RBFOX1: variants seen among roughly 807,000 people sequenced by gnomAD.
The protein encoded by RBFOX1 is RNA binding fox-1 homolog 1.
RBFOX1 carries 8 observed loss-of-function variants against 57.7 expected under a neutral mutation model. The ratio of observed to expected loss-of-function variants is 0.14; its 90% CI spans 0.08 to 0.25. The LOEUF is 0.25. RBFOX1 is among the 10% of genes least tolerant of loss of function. RBFOX1 has a pLI of 1.00. For synonymous variants in RBFOX1, 326 were observed against 222.4 expected, an observed-to-expected ratio of 1.47 and a Z score of -4.15; for missense variants, 611 against 548.5, an observed-to-expected ratio of 1.11 and a Z score of -1.14.
intron 2 of RBFOX1, among the ~76,000 whole-genome samples, chr16:6,403,548 G>A (rs1481078497): frequency 6.6e-6 from 1 of 152,044 alleles, no homozygotes; most frequent in African/African-American, 2.4e-5. Context: ...ATTATCTGTA[G>A]AGATGTGGTC....
chr16:6,386,909 G>C (rs2092323345), intron 2 of RBFOX1, among the ~76,000 whole-genome samples: 1 of 152,176 alleles, frequency 6.6e-6, no homozygotes. Context: ...ATTGTTTGAG[G>C]AATTGTGGAA....
At chr16:7,129,507 G>A (rs1232224663) in intron 4 of RBFOX1, among the ~76,000 whole-genome samples, 1 of 152,146 alleles carries the variant, frequency 6.6e-6, no homozygotes, top group Non-Finnish European at 1.5e-5. Context: ...AAATTTCAAG[G>A]ATAAGACCTT....
intron 1 of RBFOX1, among the ~76,000 whole-genome samples, chr16:6,185,066 G>A (rs1489465958): frequency 6.6e-6 from 1 of 152,148 alleles, no homozygotes; most frequent in Non-Finnish European, 1.5e-5. Context: ...TGCGTCTGTA[G>A]AACAAGGAAG....
Position 6,450,861 on chromosome 16 carries a change from A to G in RBFOX1, c.-64+133804A>G, listed in dbSNP as rs1446572428. 2.0e-4 allele frequency among the ~76,000 whole-genome samples: 18 copies of G among 91,958 alleles called. 3 individuals carry two copies. Among genetic ancestry groups the G allele is most frequent in the East Asian group, 5.3e-4 (2 of 3,756 alleles). The allele number at this position is 91,958 out of a possible 152,430, so 60.3% of individuals were successfully genotyped here. On this transcript the variant is annotated intron_variant, in intron 2 of 15. Transcript: ENST00000550418. ...TGTGTATATATATATATATATATAT[A>G]TATATATATATATCTCCTCTGAAAT...
At chr16:7,499,128 T>C (rs1199236089) in intron 4 of RBFOX1, among the ~76,000 whole-genome samples, 1 of 152,160 alleles carries the variant, frequency 6.6e-6, no homozygotes, top group Non-Finnish European at 1.5e-5. Context: ...TGGCTCACAG[T>C]TCTGGAGGCC....
At chr16:5,249,380 C>T (rs1237561449) in intron 1 of RBFOX1, among the ~76,000 whole-genome samples, 1 of 152,218 alleles carries the variant, frequency 6.6e-6, no homozygotes. Context: ...TGTGTCCTTG[C>T]TAGTCTCTGG....
chr16:5,978,907 G>T (rs1392133812), intron 4 of RBFOX1, among the ~76,000 whole-genome samples: 1 of 152,106 alleles, frequency 6.6e-6, no homozygotes, highest in African/African-American at 2.4e-5. Context: ...GGGCTGAGGG[G>T]GTGGCTGCCA....
intron 4 of RBFOX1, among the ~76,000 whole-genome samples, chr16:6,012,637 A>G (rs2094968315): frequency 6.6e-6 from 1 of 152,178 alleles, no homozygotes; most frequent in African/African-American, 2.4e-5. Context: ...CAAAAAGGGG[A>G]TGTGTCATCT....
At chr16:7,066,141 C>G (rs141170062) in intron 4 of RBFOX1, among the ~76,000 whole-genome samples, 51 of 152,308 alleles carry the variant, frequency 3.3e-4, no homozygotes, top group African/African-American at 1.1e-3. Flanking sequence ...CAAACAAATG[C>G]TAAGCAATGC....
chr16:7,272,311 A>G (rs1344119374), intron 4 of RBFOX1, among the ~76,000 whole-genome samples: 1 of 148,790 alleles, frequency 6.7e-6, no homozygotes, highest in East Asian at 2.0e-4. Context: ...CGGCCTCCCA[A>G]GTAGCTGGGA....
chr16:6,439,416 G>A (rs781570144), intron 2 of RBFOX1, among the ~76,000 whole-genome samples: 4 of 152,080 alleles, frequency 2.6e-5, no homozygotes, highest in Non-Finnish European at 4.4e-5. Context: ...CTCTTACCCC[G>A]GGCTGTGCCT....
chr16:5,532,754 A>G (rs1315733002), intron 2 of RBFOX1, among the ~76,000 whole-genome samples: 1 of 152,144 alleles, frequency 6.6e-6, no homozygotes, highest in African/African-American at 2.4e-5. Context: ...AGGAATCTTC[A>G]CTCATCCAGG....
At chr16:5,749,452 G>A (rs191496896) in intron 3 of RBFOX1, among the ~76,000 whole-genome samples, 85 of 151,758 alleles carry the variant, frequency 5.6e-4, no homozygotes, top group African/African-American at 2.0e-3. Context: ...ATAATATCCT[G>A]CAGAGTGTTT....
chr16:6,839,007 C>A (rs952136689), intron 3 of RBFOX1, among the ~76,000 whole-genome samples: 1 of 151,320 alleles, frequency 6.6e-6, no homozygotes, highest in Non-Finnish European at 1.5e-5. Flanking sequence ...ATTTTTGTGA[C>A]CGAGTCTTGC....
chr16:6,953,309 A>G (rs1483140213), intron 3 of RBFOX1, among the ~76,000 whole-genome samples: 1 of 152,148 alleles, frequency 6.6e-6, no homozygotes, highest in East Asian at 1.9e-4. Context: ...GAAACAGAAG[A>G]TTTATGGAGT....
chr16:6,973,097 C>T (rs2085951637), intron 3 of RBFOX1, among the ~76,000 whole-genome samples: 1 of 151,920 alleles, frequency 6.6e-6, no homozygotes, highest in Non-Finnish European at 1.5e-5. Context: ...CACTACTGCA[C>T]TCCAGCCTGG....
intron 4 of RBFOX1, among the ~76,000 whole-genome samples, chr16:7,500,826 C>T (rs184198086): frequency 4.9e-4 from 75 of 152,286 alleles, no homozygotes; most frequent in African/African-American, 1.7e-3. Context: ...AACTCTAGTT[C>T]CCATAATCCC....
chr16:7,651,361 G>A (rs567147883), intron 11 of RBFOX1, among the ~76,000 whole-genome samples: 6 of 152,256 alleles, frequency 3.9e-5, no homozygotes, highest in Admixed American at 1.3e-4. Context: ...CACCATGTAA[G>A]TACAAACATA....
At chr16:7,530,199 G>T (rs896990244) in intron 5 of RBFOX1, among the ~76,000 whole-genome samples, 2 of 152,082 alleles carry the variant, frequency 1.3e-5, no homozygotes, top group Non-Finnish European at 2.9e-5. Flanking sequence ...GACAGAAAGT[G>T]ACCTGCCTGA....
Sources: gnomAD v4.1 joint callset for allele counts (sites outside exome capture counted in the v4.1 genomes callset) on GRCh38, gnomAD v4.1.1 for gene constraint, MANE v1.5 for transcripts, NCBI Gene and HGNC (gene_info 2026-07-23, HGNC 2026-07-21) for gene names.